The following DIXDC1 variants were observed in gnomAD, a reference collection of about 807,000 sequenced individuals.
The protein encoded by DIXDC1 is dixin.
In DIXDC1, 64 loss-of-function variants were observed where a neutral mutation model predicts 103.1. The ratio of observed to expected loss-of-function variants is 0.62; its 90% CI spans 0.51 to 0.76. The LOEUF (loss-of-function observed/expected upper bound fraction) is 0.76, where lower values mean the gene tolerates loss of function less well. DIXDC1 is among the 30% of genes least tolerant of loss of function. The probability of loss-of-function intolerance (pLI) is 0.00; values close to 1 mark genes in which losing one functional copy is unlikely to be tolerated. For synonymous variants in DIXDC1, 266 were observed against 298.5 expected, an observed-to-expected ratio of 0.89 and a Z score of 1.12; for missense variants, 759 against 834.2, an observed-to-expected ratio of 0.91 and a Z score of 1.11.
At chr11:111,938,792 C>G (rs587710813) in intron 1 of DIXDC1, among the ~76,000 whole-genome samples, 6 of 152,326 alleles carry the variant, frequency 3.9e-5, no homozygotes, top group African/African-American at 1.4e-4. Flanking sequence ...TGCAGAAATG[C>G]TGTCCCAACC....
intron 1 of DIXDC1, among the ~76,000 whole-genome samples, chr11:111,947,240 G>C (rs1966627068): frequency 6.6e-6 from 1 of 151,944 alleles, no homozygotes; most frequent in African/African-American, 2.4e-5. Context: ...TTACATATCT[G>C]CTTCTTACAC....
chr11:112,019,039 C>A lies in DIXDC1; in HGVS notation c.*3C>A. 1 of 1,612,086 alleles carries A rather than the reference C, an allele frequency of 6.2e-7. No individual in the cohort carries two copies. Among genetic ancestry groups the A allele is most frequent in the Non-Finnish European group, 8.5e-7 (1 of 1,178,490 alleles). On this transcript the variant is annotated 3_prime_UTR_variant, in exon 20 of 20. Coordinates refer to ENST00000440460, the MANE Select transcript of DIXDC1 (RefSeq NM_001037954.4). ...AAGAAGACCATGGAGAGAATTAATG[C>A]CAAGTATCAGATTGAGGGCTTATGG...
intron 17 of DIXDC1, among the ~76,000 whole-genome samples, chr11:112,011,088 A>G (rs1555177153): frequency 6.6e-6 from 1 of 152,240 alleles, no homozygotes. Context: ...TCTACAAAGA[A>G]CTTAAACAAA....
intron 1 of DIXDC1, chr11:111,946,763 AT>A: frequency 6.1e-6 from 3 of 489,316 alleles, no homozygotes; most frequent in South Asian, 3.0e-5. Flanking sequence ...CCACATGCAG[AT>A]TTTGGTGTTT....
intron 9 of DIXDC1, among the ~76,000 whole-genome samples, chr11:111,987,437 G>A (rs1202273869): frequency 2.6e-5 from 4 of 151,952 alleles, no homozygotes; most frequent in African/African-American, 7.3e-5. Context: ...GTCATTATTG[G>A]TTGTACCATT....
intron 19 of DIXDC1, among the ~76,000 whole-genome samples, 196 bp from the exon 20 acceptor site, chr11:112,018,760 T>TA (rs1861672391): frequency 6.6e-6 from 1 of 152,094 alleles, no homozygotes; most frequent in Non-Finnish European, 1.5e-5. Context: ...AGGCATTTTT[T>TA]AAAACCATTT....
intron 5 of DIXDC1, among the ~76,000 whole-genome samples, chr11:111,978,451 C>T (rs946452542): frequency 2.6e-5 from 4 of 152,040 alleles, no homozygotes; most frequent in Admixed American, 6.6e-5. Context: ...CTCCACTTGG[C>T]CATCGAGTTT....
intron 17 of DIXDC1, among the ~76,000 whole-genome samples, chr11:111,999,606 T>G (rs1861003910): frequency 6.6e-6 from 1 of 152,230 alleles, no homozygotes; most frequent in Non-Finnish European, 1.5e-5. Flanking sequence ...GCCTTATGCC[T>G]GTAATCCCAG....
chr11:111,985,470 C>G (rs1239419196), intron 8 of DIXDC1, 149 bp downstream of exon 8: 3 of 648,864 alleles, frequency 4.6e-6, no homozygotes, highest in Non-Finnish European at 7.9e-6. Flanking sequence ...TTGTTTCCTT[C>G]TTCATTCATT....
In DIXDC1 at chr11:112,020,865, A is replaced by G. The variant is rs1461361480; in HGVS notation, c.*1829A>G. 6.6e-6 allele frequency: 1 copy of G among 152,246 alleles called. No homozygotes were observed. The highest frequency in any genetic ancestry group is 1.5e-5 in the Non-Finnish European group (1 of 68,048). The allele number at this position is 152,246 out of a possible 1,614,324, so 9.4% of individuals were successfully genotyped here. On this transcript the variant is annotated 3_prime_UTR_variant, in exon 20 of 20. Coordinates refer to ENST00000440460, the MANE Select transcript of DIXDC1 (RefSeq NM_001037954.4). ...TGGGAAAGTTTGGGAAAGTCAGCAA[A>G]AGAAAGAATGCATTTCGAAAGCAAA...
At chr11:111,944,949 C>T (rs1966542880) in intron 1 of DIXDC1, among the ~76,000 whole-genome samples, 1 of 152,186 alleles carries the variant, frequency 6.6e-6, no homozygotes, top group Non-Finnish European at 1.5e-5. Flanking sequence ...CTGTTACACA[C>T]GTAGTATGTA....
At chr11:111,975,569 T>TA in intron 5 of DIXDC1, 1 of 985,740 alleles carries the variant, frequency 1.0e-6, no homozygotes, top group South Asian at 4.7e-5. Context: ...AGTGCCCTAA[T>TA]AAAAACCTTA....
At chr11:111,929,765 T>TG (rs1965954107) in intron 1 of DIXDC1, 3 of 1,049,340 alleles carry the variant, frequency 2.9e-6, no homozygotes, top group Admixed American at 6.6e-5. Flanking sequence ...GAGCTTTAAA[T>TG]TTTTTTTTTC....
intron 14 of DIXDC1, among the ~76,000 whole-genome samples, chr11:111,994,648 G>A (rs1477540698): frequency 3.3e-5 from 5 of 150,368 alleles, no homozygotes; most frequent in African/African-American, 1.2e-4. Flanking sequence ...ATATATATAT[G>A]TGTGTGTGTA....
chr11:111,989,623 CGG>C (rs1566539546), intron 10 of DIXDC1, among the ~76,000 whole-genome samples: 1 of 104,926 alleles, frequency 9.5e-6, no homozygotes. Flanking sequence ...GACTCCGTCT[CGG>C]AAAAAAAAAA....
At chr11:112,013,796 A>G (rs1861504187) in intron 17 of DIXDC1, among the ~76,000 whole-genome samples, 1 of 152,134 alleles carries the variant, frequency 6.6e-6, no homozygotes, top group Admixed American at 6.5e-5. Context: ...GTGTTGCCAT[A>G]AAGGAATACC....
At chr11:111,957,924 G>T (rs1859442133) in intron 1 of DIXDC1, among the ~76,000 whole-genome samples, 1 of 152,260 alleles carries the variant, frequency 6.6e-6, no homozygotes, top group African/African-American at 2.4e-5. Context: ...GGCAGGTGTG[G>T]CCGGGGCGGC....
Position 111,937,362 on chromosome 11 carries a change from T to G in DIXDC1, c.-138T>G. 6.9e-7 allele frequency: 1 copy of G among 1,442,304 alleles called. No individual in the cohort carries two copies. The highest frequency in any genetic ancestry group is 9.1e-7 in the Non-Finnish European group (1 of 1,098,288). 89.3% of individuals were successfully genotyped at this position (1,442,304 alleles called of 1,614,324 possible). ...GCCGCTAGTTTGGCTCCAGTCTAGGTTTCCAGTAAGTGGCATGCGGGACTC... is the reference window on the plus strand; with the variant it reads ...GCCGCTAGTTTGGCTCCAGTCTAGGGTTCCAGTAAGTGGCATGCGGGACTC... On this transcript the variant is annotated 5_prime_UTR_variant, in exon 1 of 20. Coordinates refer to ENST00000440460, the MANE Select transcript of DIXDC1 (RefSeq NM_001037954.4).
At chr11:112,015,763 C>T (rs587651632) in intron 17 of DIXDC1, among the ~76,000 whole-genome samples, 9 of 145,260 alleles carry the variant, frequency 6.2e-5, no homozygotes, top group African/African-American at 2.3e-4. Context: ...GATTGCACCA[C>T]TGCACTCCAG....
Sources: allele counts gnomAD v4.1 joint callset (sites outside exome capture counted in the v4.1 genomes callset), GRCh38; gene constraint gnomAD v4.1.1; transcripts MANE v1.5; gene names NCBI Gene and HGNC (gene_info 2026-07-23, HGNC 2026-07-21).